Variants in SLC16A1 observed in about 807,000 individuals in gnomAD.
SLC16A1 encodes monocarboxylate transporter 1.
SLC16A1 carries 11 observed loss-of-function variants against 32.2 expected under a neutral mutation model. The observed-to-expected ratio is 0.34, with a 90% CI of 0.21 to 0.56. The LOEUF is 0.56. SLC16A1 is among the 20% of genes least tolerant of loss of function. The pLI, the probability that SLC16A1 is intolerant of heterozygous loss-of-function variation, is 0.87. For missense variants in SLC16A1, 435 were observed against 615.0 expected, an observed-to-expected ratio of 0.71 and a Z score of 3.10; for synonymous variants, 231 against 226.8, an observed-to-expected ratio of 1.02 and a Z score of -0.17.
rs114963171 is a variant in SLC16A1 at position 112,945,196 on chromosome 1, G to A, written c.-45+10839C>T. Among the ~76,000 whole-genome samples, 508 of 151,140 alleles carry A rather than the reference G, an allele frequency of 3.4e-3. 5 individuals carry two copies. The highest frequency in any genetic ancestry group is 0.011 in the African/African-American group (473 of 41,246). Reference sequence around the variant, plus strand: ...GTATTTTTAGTAAGGGTAGGGTTTCGCCCTGTTTGCCATGGCGGTCTCAAA... The same window carrying A: ...GTATTTTTAGTAAGGGTAGGGTTTCACCCTGTTTGCCATGGCGGTCTCAAA... On this transcript the variant is annotated intron_variant, in intron 1 of 4. Coordinates refer to ENST00000369626, the MANE Select transcript of SLC16A1 (RefSeq NM_003051.4).
intron 1 of SLC16A1, among the ~76,000 whole-genome samples, chr1:112,943,116 T>A (rs796209734): frequency 9.2e-5 from 14 of 152,298 alleles, no homozygotes; most frequent in African/African-American, 3.4e-4. Flanking sequence ...TTAGGGAGAA[T>A]GAGGCTATTA....
chr1:112,915,001 A>T (rs1648452164), intron 4 of SLC16A1, among the ~76,000 whole-genome samples: 1 of 152,190 alleles, frequency 6.6e-6, no homozygotes, highest in African/African-American at 2.4e-5. Context: ...TCTCTGGGAA[A>T]ATTCTACTCT....
chr1:112,930,027 A>T (rs1649073745), intron 1 of SLC16A1, among the ~76,000 whole-genome samples: 2 of 152,150 alleles, frequency 1.3e-5, no homozygotes, highest in Admixed American at 1.3e-4. Context: ...TGTATCCTTT[A>T]AAGTATCCTT....
rs568540802 is a variant in SLC16A1 at position 112,913,799 on chromosome 1, C to T, written c.*92G>A. 6.9e-7 allele frequency: 1 copy of T among 1,448,164 alleles called. No homozygotes were observed. The highest frequency in any genetic ancestry group is 2.3e-5 in the East Asian group (1 of 44,092). 89.7% of individuals were successfully genotyped at this position (1,448,164 alleles called of 1,614,324 possible). A position where few individuals can be genotyped will look rare whatever the true frequency, so the allele number is the denominator to read the frequency against. ...TTTCCACACAAATGTCTACTATTTGCATTGAGCACCACTGGTAGATTACAG... is the reference window on the plus strand; with the variant it reads ...TTTCCACACAAATGTCTACTATTTGTATTGAGCACCACTGGTAGATTACAG... On this transcript the variant is annotated 3_prime_UTR_variant, in exon 5 of 5. Transcript: ENST00000369626.
chr1:112,923,285 G>A (rs1648805028), intron 2 of SLC16A1: 3 of 331,998 alleles, frequency 9.0e-6, no homozygotes, highest in South Asian at 4.9e-5. Flanking sequence ...TCCAGCCTGG[G>A]CAACAAGAGT....
intron 1 of SLC16A1, among the ~76,000 whole-genome samples, chr1:112,953,153 CT>C (rs55766100): frequency 0.16 from 20,376 of 130,030 alleles, 1,292 homozygotes; most frequent in Non-Finnish European, 0.21. Flanking sequence ...ACTGAAAATC[CT>C]TTTTTTTTTT....
intron 1 of SLC16A1, among the ~76,000 whole-genome samples, chr1:112,930,821 C>T (rs544299623): frequency 2.6e-5 from 4 of 151,384 alleles, no homozygotes; most frequent in Admixed American, 1.3e-4. Flanking sequence ...GCCTCCCAGG[C>T]GGTTCTCCTG....
intron 1 of SLC16A1, among the ~76,000 whole-genome samples, chr1:112,932,956 T>C (rs2101637218): frequency 6.6e-6 from 1 of 152,280 alleles, no homozygotes; most frequent in Non-Finnish European, 1.5e-5. Context: ...ATCAATTGTA[T>C]TTCTATATAT....
At chr1:112,950,212 G>A (rs746550892) in intron 1 of SLC16A1, among the ~76,000 whole-genome samples, 12 of 152,142 alleles carry the variant, frequency 7.9e-5, no homozygotes, top group Non-Finnish European at 1.6e-4. Context: ...GGATCAATAT[G>A]CAGACCCCAG....
intron 1 of SLC16A1, among the ~76,000 whole-genome samples, chr1:112,950,940 T>C (rs972578478): frequency 1.3e-5 from 2 of 152,148 alleles, no homozygotes; most frequent in African/African-American, 4.8e-5. Context: ...CAGGCTGCAG[T>C]GAACCATGAT....
chr1:112,952,184 T>A (rs960076497), intron 1 of SLC16A1, among the ~76,000 whole-genome samples: 1 of 152,184 alleles, frequency 6.6e-6, no homozygotes, highest in Admixed American at 6.5e-5. Flanking sequence ...ACATGTTAAA[T>A]CTATACCTGA....
intron 1 of SLC16A1, among the ~76,000 whole-genome samples, chr1:112,929,666 G>A (rs1649061792): frequency 6.6e-6 from 1 of 152,088 alleles, no homozygotes; most frequent in African/African-American, 2.4e-5. Flanking sequence ...GGCAACATAA[G>A]TAGACCCCAA....
intron 1 of SLC16A1, among the ~76,000 whole-genome samples, chr1:112,950,507 T>C (rs1649855303): frequency 6.6e-6 from 1 of 152,238 alleles, no homozygotes; most frequent in Non-Finnish European, 1.5e-5. Flanking sequence ...GGCTAAGTCA[T>C]TGTAATTAAG....
In SLC16A1 at chr1:112,922,465, G is replaced by A. The variant is rs1388568155; in HGVS notation, c.218-332C>T. On this transcript the variant is annotated intron_variant, in intron 2 of 4. Coordinates refer to ENST00000369626, the MANE Select transcript of SLC16A1 (RefSeq NM_003051.4). ...TTCACAAGGTTCTTGATGTATCTAG[G>A]ATACGATTAACATGTATGTAGAAAG... 14 of 356,670 alleles carry A rather than the reference G, an allele frequency of 3.9e-5. No homozygotes were observed. In the Admixed American group the frequency reaches 5.8e-4, roughly 15 times the overall value. 22.1% of individuals were successfully genotyped at this position (356,670 alleles called of 1,614,324 possible).
chr1:112,917,996 T>C lies in SLC16A1; in HGVS notation c.410A>G (p.Lys137Arg), dbSNP rs747535406. 6.3e-7 allele frequency: 1 copy of C among 1,592,938 alleles called. No individual in the cohort carries two copies. Among genetic ancestry groups the C allele is most frequent in the African/African-American group, 1.4e-5 (1 of 73,282 alleles). Residue 137 changes from lysine to arginine, a missense_variant, in exon 4 of 5, where the codon AAG (lysine) becomes AGG (arginine). Lys to Arg is a conservative substitution (Grantham distance 26). This residue lies in a region of SLC16A1 where 324 missense variants were observed against 500.3 expected (regional missense o/e 0.65). Coordinates refer to ENST00000369626, the MANE Select transcript of SLC16A1 (RefSeq NM_003051.4). This position sits in a 1 kb window ranked among gnomAD's most constrained non-coding sequence, Gnocchi z 4.1. ...CAATGGTCGCCTCTTGTAGAAATAC[T>C]TGCCAATCATGGTCAGAGCTGGATT... Reference protein sequence around the residue: ...NLNPALTMIGKYFYKRRPLAN... With the variant: ...NLNPALTMIGRYFYKRRPLAN...
rs566931903 is a variant in SLC16A1 at position 112,942,173 on chromosome 1, T to G, written c.-44-12821A>C. On this transcript the variant is annotated intron_variant, in intron 1 of 4. Coordinates refer to ENST00000369626, the MANE Select transcript of SLC16A1 (RefSeq NM_003051.4). The stretch of plus-strand genomic sequence containing the variant: ...TTTTAGTACAGACAGGGTTTTACCA[T>G]GACGGCCAGGCTGGTCTCAAACTCC... Among the ~76,000 whole-genome samples, 348 of 152,256 alleles carry G rather than the reference T, an allele frequency of 2.3e-3. 1 individual carries two copies. The highest frequency in any genetic ancestry group is 4.1e-3 in the Non-Finnish European group (278 of 68,020).
chr1:112,912,626 T>C lies in SLC16A1; in HGVS notation c.*1265A>G, dbSNP rs1648360873. On this transcript the variant is annotated 3_prime_UTR_variant, in exon 5 of 5. Coordinates refer to ENST00000369626, the MANE Select transcript of SLC16A1 (RefSeq NM_003051.4). ...GGGTCACAAAATTTTTAGGTTTGTGTGGAGGGTAAAAATGCATCCAGCAAT... is the reference window on the plus strand; with the variant it reads ...GGGTCACAAAATTTTTAGGTTTGTGCGGAGGGTAAAAATGCATCCAGCAAT... 1 of 152,060 alleles carries C rather than the reference T, an allele frequency of 6.6e-6. No individual in the cohort carries two copies. Among genetic ancestry groups the C allele is most frequent in the Non-Finnish European group, 1.5e-5 (1 of 68,000 alleles). 9.4% of individuals were successfully genotyped at this position (152,060 alleles called of 1,614,324 possible). A position where few individuals can be genotyped will look rare whatever the true frequency, so the allele number is the denominator to read the frequency against.
intron 1 of SLC16A1, among the ~76,000 whole-genome samples, chr1:112,945,227 G>A (rs1325708022): frequency 6.6e-6 from 1 of 151,598 alleles, no homozygotes; most frequent in African/African-American, 2.4e-5. Flanking sequence ...TCAAACTCCT[G>A]ACCTCAGGCC....
chr1:112,931,137 C>T (rs904993524), intron 1 of SLC16A1, among the ~76,000 whole-genome samples: 1 of 151,942 alleles, frequency 6.6e-6, no homozygotes, highest in Non-Finnish European at 1.5e-5. Flanking sequence ...GAAGTGGGTG[C>T]CTGACTCACT....
Sources: allele counts gnomAD v4.1 joint callset (sites outside exome capture counted in the v4.1 genomes callset), GRCh38; gene constraint gnomAD v4.1.1; regional missense constraint gnomAD v4.1.1; non-coding constraint Gnocchi (gnomAD v3.1); transcripts MANE v1.5; gene names NCBI Gene and HGNC (gene_info 2026-07-23, HGNC 2026-07-21).